Variants in RBM17 observed in about 807,000 individuals in gnomAD.
RBM17 encodes the protein RNA binding motif protein 17.
In RBM17, 7 loss-of-function variants were observed where a neutral mutation model predicts 53.2. The ratio of observed to expected loss-of-function variants is 0.13; its 90% confidence interval spans 0.07 to 0.25. The LOEUF (loss-of-function observed/expected upper bound fraction) is 0.25, where lower values mean the gene tolerates loss of function less well. Among genes scored for constraint, RBM17 ranks in the 10% least tolerant of loss-of-function variants. RBM17 has a pLI of 1.00. For synonymous variants in RBM17, 167 were observed against 178.1 expected (o/e 0.94, Z 0.50); for missense variants, 257 against 496.7 (o/e 0.52, Z 4.59).
intron 5 of RBM17, among the ~76,000 whole-genome samples, chr10:6,106,682 A>ATATAG (rs1439725518): frequency 1.3e-5 from 2 of 152,212 alleles, no homozygotes; most frequent in African/African-American, 4.8e-5. Context: ...GGAATTCAGT[A>ATATAG]TATAGGTTGA....
intron 2 of RBM17, among the ~76,000 whole-genome samples, chr10:6,098,218 C>CT (rs917762476): frequency 6.6e-6 from 1 of 150,388 alleles, no homozygotes; most frequent in Admixed American, 6.6e-5. Context: ...GAATATTGGT[C>CT]TTTTTGGGGG....
At chr10:6,105,237 G>A in intron 4 of RBM17, 140 bp downstream of exon 4, 3 of 737,094 alleles carry the variant, frequency 4.1e-6, no homozygotes, top group Non-Finnish European at 6.5e-6. Context: ...GAATCAAACT[G>A]TTTTACGATT....
chr10:6,106,082 G>T, intron 4 of RBM17, 59 bp from the exon 5 acceptor site: 3 of 1,200,876 alleles, frequency 2.5e-6, no homozygotes, highest in Non-Finnish European at 3.7e-6. Flanking sequence ...AGTCATCCCA[G>T]GTTCAGGTCT....
intron 5 of RBM17, among the ~76,000 whole-genome samples, chr10:6,108,305 T>C (rs188576577): frequency 6.6e-6 from 1 of 152,328 alleles, no homozygotes. Flanking sequence ...CTGTGAAGCC[T>C]GAACGAGGCC....
chr10:6,095,054 C>T (rs1338542274), intron 1 of RBM17, among the ~76,000 whole-genome samples: 2 of 152,116 alleles, frequency 1.3e-5, no homozygotes, highest in East Asian at 3.8e-4. Context: ...ATATTTCATC[C>T]ATATTTCTTA....
intron 3 of RBM17, among the ~76,000 whole-genome samples, chr10:6,102,352 G>A (rs913485745): frequency 1.3e-5 from 2 of 152,112 alleles, no homozygotes; most frequent in African/African-American, 4.8e-5. Flanking sequence ...GTTGGGCTCC[G>A]TCTCCTGCCT....
chr10:6,097,375 C>T (rs72777811), intron 2 of RBM17, among the ~76,000 whole-genome samples, 187 bp downstream of exon 2: 48 of 152,274 alleles, frequency 3.2e-4, no homozygotes, highest in Non-Finnish European at 5.3e-4. Flanking sequence ...GGAATAGGAA[C>T]ATTTCGTGGG....
In RBM17 at chr10:6,101,356, A is replaced by G. The variant is rs1329141411; in HGVS notation, c.209A>G (p.Asp70Gly). The change falls in exon 3 of 12, where the codon GAC (aspartate) becomes GGC (glycine). Residue 70 changes from aspartate (D) to glycine (G), a missense_variant. Asp to Gly is a moderately conservative substitution (Grantham distance 94). Around this residue, in one of 6 missense-constraint regions of RBM17, gnomAD observed 127 missense variants for 217.2 expected, o/e 0.58. Coordinates refer to ENST00000379888, the MANE Select transcript of RBM17 (RefSeq NM_032905.5). ...TCCTCAGATGACCGGCAAATTGTGG[A>G]CACTCCACCGCATGTAGCAGCTGGG... The part of the protein sequence containing the change: ...GGSSDDRQIV[D>G]TPPHVAAGLK... The G allele has an allele frequency of 2.5e-6, 4 of 1,613,484 alleles. No homozygotes were observed. The highest frequency in any genetic ancestry group is 3.4e-6 in the Non-Finnish European group (4 of 1,179,738).
chr10:6,107,479 CTTTTTTTTT>C (rs71390124), intron 5 of RBM17, among the ~76,000 whole-genome samples: 3 of 56,586 alleles, frequency 5.3e-5, no homozygotes, highest in Non-Finnish European at 9.6e-5. Context: ...CACCCGGCCT[CTTTTTTTTT>C]TTTTTTTTTT....
Position 6,115,686 on chromosome 10 carries a change from A to G in RBM17, c.*130A>G. 1 of 576,034 alleles carries G rather than the reference A, an allele frequency of 1.7e-6. No homozygotes were observed. The highest frequency in any genetic ancestry group is 2.7e-5 in the East Asian group (1 of 36,800). The allele number at this position is 576,034 out of a possible 1,614,324, so 35.7% of individuals were successfully genotyped here. On this transcript the variant is annotated 3_prime_UTR_variant, in exon 12 of 12. Coordinates refer to ENST00000379888, the MANE Select transcript of RBM17 (RefSeq NM_032905.5). ...ACTCTTGGAAGGACTTCTAAGATAT[A>G]TGTTGATTGATCCCTTTTTTATTTT... is the stretch of plus-strand genomic sequence containing the variant.
intron 9 of RBM17, 28 bp from the exon 10 acceptor site, chr10:6,114,021 T>C: frequency 1.4e-6 from 2 of 1,479,560 alleles, no homozygotes; most frequent in East Asian, 4.5e-5. Flanking sequence ...TACTTGGTAC[T>C]TGAATTTGTT....
intron 5 of RBM17, among the ~76,000 whole-genome samples, chr10:6,107,479 C>CTTTTTTTT (rs71390124): frequency 0.087 from 4,921 of 56,420 alleles, 872 homozygotes; most frequent in African/African-American, 0.11. Context: ...CACCCGGCCT[C>CTTTTTTTT]TTTTTTTTTT....
intron 3 of RBM17, among the ~76,000 whole-genome samples, chr10:6,103,173 AGCCATTTTTATG>A (rs1371116620): frequency 6.6e-6 from 1 of 152,188 alleles, no homozygotes; most frequent in African/African-American, 2.4e-5. Context: ...TTAAGATATC[AGCCATTTTTATG>A]GCCAATCTGT....
chr10:6,105,542 C>A (rs1213894338), intron 4 of RBM17, among the ~76,000 whole-genome samples: 1 of 152,174 alleles, frequency 6.6e-6, no homozygotes, highest in Non-Finnish European at 1.5e-5. Context: ...ATTTGAAACA[C>A]TTCTGGTCCC....
At chr10:6,092,621 TTAAAC>T (rs1430445775) in intron 1 of RBM17, among the ~76,000 whole-genome samples, 1 of 152,194 alleles carries the variant, frequency 6.6e-6, no homozygotes, top group Non-Finnish European at 1.5e-5. Flanking sequence ...ATTATAATAA[TTAAAC>T]AAAAGCAGGT....
chr10:6,107,326 C>T (rs182095386), intron 5 of RBM17, among the ~76,000 whole-genome samples: 28 of 150,370 alleles, frequency 1.9e-4, no homozygotes, highest in African/African-American at 4.6e-4. Context: ...TACAGGTGTG[C>T]GCTACCACGC....
At position 6,089,718 on chromosome 10, in the gene RBM17, C is replaced by CGGCTCGT. The variant is rs1840452696; in HGVS notation, c.-19+527_-19+533dup. On this transcript the variant is annotated intron_variant, in intron 1 of 11. Transcript: ENST00000379888. This position sits in a 1 kb window ranked among gnomAD's most constrained non-coding sequence, Gnocchi z 5.6. ...TGCAGCCCTAACCCCGGCGTCGCCT[C>CGGCTCGT]GGCTCGTGCAGTTTGAGCGGTGTTT... 2 of 152,506 alleles carry CGGCTCGT rather than the reference C, an allele frequency of 1.3e-5. No individual in the cohort carries two copies. Among genetic ancestry groups the CGGCTCGT allele is most frequent in the South Asian group, 4.2e-4 (2 of 4,818 alleles). 9.4% of individuals were successfully genotyped at this position (152,506 alleles called of 1,614,324 possible).
At chr10:6,093,714 T>G (rs1003815506) in intron 1 of RBM17, among the ~76,000 whole-genome samples, 1 of 152,206 alleles carries the variant, frequency 6.6e-6, no homozygotes, top group Non-Finnish European at 1.5e-5. Flanking sequence ...TGAGTATCCC[T>G]TACCCAAAAT....
intron 3 of RBM17, among the ~76,000 whole-genome samples, chr10:6,101,821 A>T (rs767978120): frequency 2.0e-5 from 3 of 152,172 alleles, no homozygotes; most frequent in Non-Finnish European, 4.4e-5. Context: ...TTAATGCTGG[A>T]TATATGGGTT....
Sources: allele counts gnomAD v4.1 joint callset (sites outside exome capture counted in the v4.1 genomes callset), GRCh38; gene constraint gnomAD v4.1.1; regional missense constraint gnomAD v4.1.1; non-coding constraint Gnocchi (gnomAD v3.1); transcripts MANE v1.5; gene names NCBI Gene and HGNC (gene_info 2026-07-23, HGNC 2026-07-21).